AGBL4: variants seen among roughly 807,000 people sequenced by gnomAD.
AGBL4 encodes AGBL carboxypeptidase 4.
A neutral mutation model predicts 66.4 loss-of-function variants in AGBL4; 58 were observed. The observed-to-expected ratio is 0.87, with a 90% CI of 0.71 to 1.09. AGBL4 has a LOEUF of 1.09. AGBL4 is among the 50% of genes least tolerant of loss of function. The probability of loss-of-function intolerance (pLI) is 0.00; values close to 1 mark genes in which losing one functional copy is unlikely to be tolerated. For missense variants in AGBL4, 579 were observed against 631.0 expected (o/e 0.92, Z 0.88); for synonymous variants, 234 against 222.9 (o/e 1.05, Z -0.44).
At chr1:49,603,948 AC>A (rs1645016056) in intron 3 of AGBL4, among the ~76,000 whole-genome samples, 1 of 148,474 alleles carries the variant, frequency 6.7e-6, no homozygotes, top group Admixed American at 6.7e-5. Context: ...ACACACACAC[AC>A]ACACACACAC....
At chr1:48,939,939 T>C (rs535667188) in intron 5 of AGBL4, among the ~76,000 whole-genome samples, 5 of 152,290 alleles carry the variant, frequency 3.3e-5, no homozygotes, top group African/African-American at 1.2e-4. Flanking sequence ...ATCTAGTGGG[T>C]GGCCACAATG....
intron 4 of AGBL4, among the ~76,000 whole-genome samples, chr1:49,113,622 C>T (rs1645458126): frequency 6.6e-6 from 1 of 152,192 alleles, no homozygotes; most frequent in Non-Finnish European, 1.5e-5. Context: ...TTTACCTAGA[C>T]CCATCAGAGA....
intron 3 of AGBL4, among the ~76,000 whole-genome samples, chr1:49,402,787 G>A (rs113304035): frequency 2.4e-4 from 36 of 152,220 alleles, no homozygotes; most frequent in Non-Finnish European, 4.1e-4. Flanking sequence ...GACTGGTCGC[G>A]AACTCCTGAC....
chr1:49,729,169 G>A (rs1649247413), intron 2 of AGBL4, among the ~76,000 whole-genome samples: 1 of 152,170 alleles, frequency 6.6e-6, no homozygotes, highest in South Asian at 2.1e-4. Flanking sequence ...TTCAAAAAGA[G>A]AATTACACAA....
At chr1:49,419,835 C>A (rs986466089) in intron 3 of AGBL4, among the ~76,000 whole-genome samples, 1 of 152,196 alleles carries the variant, frequency 6.6e-6, no homozygotes, top group Non-Finnish European at 1.5e-5. Flanking sequence ...AAGACTGAGT[C>A]AGCCTGCTCC....
intron 6 of AGBL4, among the ~76,000 whole-genome samples, chr1:48,703,705 G>C (rs1466820714): frequency 1.3e-5 from 2 of 152,122 alleles, no homozygotes; most frequent in African/African-American, 4.8e-5. Flanking sequence ...TAGGAAAACA[G>C]GTGGGCAATT....
chr1:49,541,283 G>A (rs1265106154), intron 3 of AGBL4, among the ~76,000 whole-genome samples: 2 of 152,168 alleles, frequency 1.3e-5, no homozygotes, highest in African/African-American at 4.8e-5. Context: ...CCCCTCTCTG[G>A]GCTGGCCGAG....
At chr1:49,861,297 G>A (rs1231568870) in intron 1 of AGBL4, among the ~76,000 whole-genome samples, 1 of 152,114 alleles carries the variant, frequency 6.6e-6, no homozygotes, top group Non-Finnish European at 1.5e-5. Flanking sequence ...ATCAGCTGGG[G>A]CAGCCAAGGA....
intron 3 of AGBL4, among the ~76,000 whole-genome samples, chr1:49,324,428 A>G (rs1645190299): frequency 1.3e-5 from 2 of 151,780 alleles, no homozygotes; most frequent in South Asian, 2.1e-4. Flanking sequence ...AGAAAAAAAA[A>G]CACACAAAAT....
chr1:48,763,828 T>G (rs1007204572), intron 6 of AGBL4, among the ~76,000 whole-genome samples: 3 of 152,192 alleles, frequency 2.0e-5, no homozygotes, highest in African/African-American at 7.2e-5. Context: ...GTGAAGTCTG[T>G]GCATCCATCC....
chr1:48,616,346 C>T (rs1645317910), intron 9 of AGBL4, among the ~76,000 whole-genome samples: 1 of 152,188 alleles, frequency 6.6e-6, no homozygotes, highest in Admixed American at 6.5e-5. Flanking sequence ...GCTCGTATAA[C>T]CTCTCCATTG....
intron 9 of AGBL4, among the ~76,000 whole-genome samples, chr1:48,611,406 G>C (rs558271274): frequency 1.3e-5 from 2 of 152,370 alleles, no homozygotes; most frequent in South Asian, 4.1e-4. Flanking sequence ...TCAGGACCCA[G>C]TACACTCCCT....
At chr1:50,021,905 A>T (rs1662471741) in intron 1 of AGBL4, among the ~76,000 whole-genome samples, 1 of 152,184 alleles carries the variant, frequency 6.6e-6, no homozygotes. Flanking sequence ...GTACTGGAAG[A>T]TCTGGCTTCA....
chr1:48,875,723 GAATT>G (rs1487233264), intron 5 of AGBL4, among the ~76,000 whole-genome samples: 1 of 152,196 alleles, frequency 6.6e-6, no homozygotes, highest in Admixed American at 6.5e-5. Context: ...TTTGCAAGTA[GAATT>G]AATAGCTGCT....
At chr1:48,838,369 A>C (rs1055751526) in intron 6 of AGBL4, among the ~76,000 whole-genome samples, 6 of 152,074 alleles carry the variant, frequency 3.9e-5, no homozygotes, top group African/African-American at 1.2e-4. Flanking sequence ...AGAATAGAAA[A>C]CCCAGAAATA....
chr1:48,921,106 G>A (rs938968255), intron 5 of AGBL4, among the ~76,000 whole-genome samples: 6 of 152,122 alleles, frequency 3.9e-5, no homozygotes, highest in African/African-American at 7.2e-5. Flanking sequence ...CAGCAGGCCC[G>A]AGTCATCAAT....
At chr1:49,493,936 G>A (rs1570862684) in intron 3 of AGBL4, among the ~76,000 whole-genome samples, 1 of 151,880 alleles carries the variant, frequency 6.6e-6, no homozygotes, top group South Asian at 2.1e-4. Context: ...AAAAGGTGTG[G>A]GAGTAACAAC....
At chr1:49,119,159 C>T (rs936100562) in intron 4 of AGBL4, among the ~76,000 whole-genome samples, 2 of 152,108 alleles carry the variant, frequency 1.3e-5, no homozygotes, top group Admixed American at 6.6e-5. Flanking sequence ...CTCCTGGATT[C>T]ATTGATTTTT....
At chr1:49,551,812 T>C (rs1489299146) in intron 3 of AGBL4, among the ~76,000 whole-genome samples, 1 of 152,146 alleles carries the variant, frequency 6.6e-6, no homozygotes, top group African/African-American at 2.4e-5. Flanking sequence ...GCATCAGCTG[T>C]GGTAGTATAG....
Sources: gnomAD v4.1 joint callset for allele counts (sites outside exome capture counted in the v4.1 genomes callset) on GRCh38, gnomAD v4.1.1 for gene constraint, MANE v1.5 for transcripts, NCBI Gene and HGNC (gene_info 2026-07-23, HGNC 2026-07-21) for gene names.